CLIP2: variants seen among roughly 807,000 people sequenced by gnomAD.
The protein encoded by CLIP2 is CAP-Gly domain-containing linker protein 2.
In CLIP2, 41 loss-of-function variants were observed where a neutral mutation model predicts 111.7. The observed-to-expected ratio is 0.37, with a 90% confidence interval of 0.29 to 0.48. The LOEUF is 0.48. CLIP2 is among the 20% of genes least tolerant of loss of function. CLIP2 has a pLI of 0.99. For synonymous variants in CLIP2, 660 were observed against 644.2 expected (o/e 1.02, Z -0.37); for missense variants, 1,160 against 1,422.1 (o/e 0.82, Z 2.96).
intron 1 of CLIP2, among the ~76,000 whole-genome samples, chr7:74,290,233 C>T (rs1428071436): frequency 3.9e-5 from 6 of 152,236 alleles, no homozygotes; most frequent in Admixed American, 2.0e-4. Context: ...CCCCTCTCCT[C>T]CCTGCTACAC....
chr7:74,348,941 G>T (rs564368689), intron 3 of CLIP2, among the ~76,000 whole-genome samples: 5 of 145,988 alleles, frequency 3.4e-5, no homozygotes, highest in African/African-American at 1.3e-4. Flanking sequence ...AAGCTCAGGA[G>T]TTTGAGACCA....
intron 8 of CLIP2, chr7:74,364,943 G>A (rs1343223829): frequency 4.5e-6 from 2 of 446,594 alleles, no homozygotes; most frequent in Non-Finnish European, 9.0e-6. Context: ...AGGATCGCTT[G>A]AATCTGGGAG....
At chr7:74,297,775 A>C (rs1037509616) in intron 1 of CLIP2, among the ~76,000 whole-genome samples, 1 of 151,152 alleles carries the variant, frequency 6.6e-6, no homozygotes, top group East Asian at 1.9e-4. Context: ...TAAGAATCCA[A>C]CTCGATGGGA....
In CLIP2 at chr7:74,317,624, G is replaced by A. The variant is rs782243663; in HGVS notation, c.78G>A (p.Gly26=). 3 of 1,526,304 alleles carry A rather than the reference G, an allele frequency of 2.0e-6. No homozygotes were observed. The Admixed American group carries it at 5.9e-5, about 30-fold the overall frequency. The allele number at this position is 1,526,304 out of a possible 1,614,324, so 94.5% of individuals were successfully genotyped here. A position where few individuals can be genotyped will look rare whatever the true frequency, so the allele number is the denominator to read the frequency against. Residue 26 remains glycine (G), a synonymous_variant, in exon 2 of 17, where the codon GGG becomes GGA. Coordinates refer to ENST00000223398, the MANE Select transcript of CLIP2 (RefSeq NM_003388.5). ...GCCCCATGGGCCGGACATCTACTGG[G>A]TCAGCTTCATCCTCGGCGGCGGTGG... ...HSSPMGRTST[G]SASSSAAVAA... is the part of the protein sequence containing the mutation.
At chr7:74,377,033 C>A (rs932398356) in intron 10 of CLIP2, among the ~76,000 whole-genome samples, 2 of 152,034 alleles carry the variant, frequency 1.3e-5, no homozygotes, top group Non-Finnish European at 2.9e-5. Context: ...CAGGGAGAAC[C>A]GAAGCTGGTC....
At chr7:74,364,911 T>C (rs1463919624) in intron 8 of CLIP2, 1 of 454,720 alleles carries the variant, frequency 2.2e-6, no homozygotes, top group Admixed American at 2.4e-5. Flanking sequence ...TGGTCCCAGC[T>C]ACTCAGGGAG....
At chr7:74,334,823 C>CAA (rs34044824) in intron 2 of CLIP2, among the ~76,000 whole-genome samples, 1,387 of 133,018 alleles carry the variant, frequency 0.01, 14 homozygotes, top group African/African-American at 0.022. Context: ...TAATAAAATA[C>CAA]AAAAAAAAAA....
At chr7:74,387,986 G>A (rs1213758521) in intron 12 of CLIP2, among the ~76,000 whole-genome samples, 4 of 152,050 alleles carry the variant, frequency 2.6e-5, no homozygotes, top group Non-Finnish European at 4.4e-5. Flanking sequence ...CCAGGGGTTC[G>A]AGACCAGCCT....
intron 1 of CLIP2, among the ~76,000 whole-genome samples, chr7:74,317,118 T>G (rs1300494819): frequency 6.6e-6 from 1 of 152,180 alleles, no homozygotes; most frequent in African/African-American, 2.4e-5. Flanking sequence ...GTAATAAATT[T>G]CTGCAACCAA....
At chr7:74,308,281 A>T (rs1286669431) in intron 1 of CLIP2, among the ~76,000 whole-genome samples, 1 of 152,080 alleles carries the variant, frequency 6.6e-6, no homozygotes, top group Non-Finnish European at 1.5e-5. Flanking sequence ...AGTGCCAGGG[A>T]CAGGGTTCTC....
At chr7:74,351,528 T>C (rs1001563635) in intron 3 of CLIP2, among the ~76,000 whole-genome samples, 3 of 151,774 alleles carry the variant, frequency 2.0e-5, no homozygotes, top group African/African-American at 4.8e-5. Flanking sequence ...TGGGAAGATG[T>C]GCTCTACTAA....
intron 1 of CLIP2, among the ~76,000 whole-genome samples, chr7:74,310,036 C>CAAAAAAAAAAAAAAAAAAAAAAAA (rs71094774): frequency 2.2e-5 from 2 of 92,512 alleles, no homozygotes; most frequent in Non-Finnish European, 3.8e-5. Context: ...CCTGTCTCTA[C>CAAAAAAAAAAAAAAAAAAAAAAAA]AAAAAAAAAA....
At chr7:74,359,184 G>T (rs1160252389) in intron 6 of CLIP2, among the ~76,000 whole-genome samples, 3 of 151,374 alleles carry the variant, frequency 2.0e-5, no homozygotes, top group African/African-American at 7.3e-5. Flanking sequence ...GGACAGGCTG[G>T]TCTTGAACTC....
chr7:74,351,606 A>T (rs1359759320), intron 3 of CLIP2, among the ~76,000 whole-genome samples: 1 of 151,840 alleles, frequency 6.6e-6, no homozygotes, highest in African/African-American at 2.4e-5. Flanking sequence ...GAGGCTAAGG[A>T]GGGCAGATCA....
chr7:74,386,283 G>A (rs1026357129), intron 11 of CLIP2: 11 of 339,058 alleles, frequency 3.2e-5, no homozygotes, highest in Non-Finnish European at 5.4e-5. Context: ...CAGGTGATCC[G>A]CCGGCCTCGG....
intron 2 of CLIP2, among the ~76,000 whole-genome samples, chr7:74,327,509 A>G (rs1789149059): frequency 6.6e-6 from 1 of 152,170 alleles, no homozygotes; most frequent in African/African-American, 2.4e-5. Flanking sequence ...ACCCCCACAG[A>G]GGATGGTGCC....
Position 74,338,984 on chromosome 7 carries a change from C to T in CLIP2, c.658C>T (p.Arg220Cys), listed in dbSNP as rs781884973. The change falls in exon 3 of 17, where the codon CGC becomes TGC. Residue 220 changes from arginine (R) to cysteine (C), a missense_variant. By Grantham distance (180) the Arg-to-Cys change is radical. Coordinates refer to ENST00000223398, the MANE Select transcript of CLIP2 (RefSeq NM_003388.5). This position sits in a 1 kb window ranked among gnomAD's most constrained non-coding sequence, Gnocchi z 4.3. Reference protein sequence around the residue: ...GSVKRGEKDLRLGDRVLVGGT... With the variant: ...GSVKRGEKDLCLGDRVLVGGT... ...TGTGAAGCGGGGCGAAAAGGACCTG[C>T]GCCTGGGGGACCGCGTGCTGGTGAG... 1.9e-6 allele frequency: 3 copies of T among 1,597,928 alleles called. No individual in the cohort carries two copies. The highest frequency in any genetic ancestry group is 2.2e-5 in the East Asian group (1 of 44,842).
Position 74,372,406 on chromosome 7 carries a change from G to C in CLIP2, c.1381-526G>C, listed in dbSNP as rs533423622. ...TTGCACTTTTAGCACAGGCCTTGGGGGGGGGGGGGAGTCGAGCGGGAATCC... is the reference window on the plus strand; with the variant it reads ...TTGCACTTTTAGCACAGGCCTTGGGCGGGGGGGGGAGTCGAGCGGGAATCC... On this transcript the variant is annotated intron_variant, in intron 8 of 16. Coordinates refer to ENST00000223398, the MANE Select transcript of CLIP2 (RefSeq NM_003388.5). 5.7e-3 allele frequency among the ~76,000 whole-genome samples: 843 copies of C among 148,706 alleles called. 91 individuals are homozygous for C. Among genetic ancestry groups the C allele is most frequent in the South Asian group, 0.011 (48 of 4,498 alleles).
intron 11 of CLIP2, among the ~76,000 whole-genome samples, chr7:74,382,147 G>T (rs908623962): frequency 6.6e-6 from 1 of 151,772 alleles, no homozygotes; most frequent in African/African-American, 2.4e-5. Context: ...GCAATGATGC[G>T]ATCTCAGTTC....
Sources: allele counts gnomAD v4.1 joint callset (sites outside exome capture counted in the v4.1 genomes callset), GRCh38; gene constraint gnomAD v4.1.1; non-coding constraint Gnocchi (gnomAD v3.1); transcripts MANE v1.5; gene names NCBI Gene and HGNC (gene_info 2026-07-23, HGNC 2026-07-21).